The following NXPE2 variants were observed in gnomAD, a reference collection of about 807,000 sequenced individuals.
NXPE2 encodes NXPE family member 2.
In NXPE2, 34 loss-of-function variants were observed where a neutral mutation model predicts 34.4. That is an observed-to-expected ratio of 0.99 (90% confidence interval 0.75 to 1.31). NXPE2 has a LOEUF of 1.31. Ranked by LOEUF, NXPE2 falls within the 40% of genes most tolerant of loss-of-function variation. The pLI, the probability that NXPE2 is intolerant of heterozygous loss-of-function variation, is 0.00. For synonymous variants in NXPE2, 235 were observed against 231.3 expected, an observed-to-expected ratio of 1.02 and a Z score of -0.15; for missense variants, 649 against 672.5, an observed-to-expected ratio of 0.97 and a Z score of 0.39.
At chr11:114,575,448 A>C in the NXPE2 span, among the ~76,000 whole-genome samples, 2 of 152,044 alleles carry the variant, frequency 1.3e-5, no homozygotes, top group African/African-American at 2.4e-5. Flanking sequence ...AACCCTAAAG[A>C]CTTATCCAAA....
chr11:114,601,914 TTA>T, the NXPE2 span, among the ~76,000 whole-genome samples: 7 of 39,786 alleles, frequency 1.8e-4, no homozygotes, highest in Admixed American at 2.0e-3. Context: ...TATTATATAA[TTA>T]TATATAATAT....
At chr11:114,670,656 C>A in the NXPE2 span, among the ~76,000 whole-genome samples, 1 of 151,978 alleles carries the variant, frequency 6.6e-6, no homozygotes, top group Non-Finnish European at 1.5e-5. Context: ...TGTACCACTG[C>A]ACTCTAGCCT....
chr11:114,525,486 G>A, the NXPE2 span, among the ~76,000 whole-genome samples: 1 of 152,124 alleles, frequency 6.6e-6, no homozygotes, highest in Non-Finnish European at 1.5e-5. Context: ...CCGGGTCCCA[G>A]AAGGGATGGG....
At chr11:114,517,344 T>G in the NXPE2 span, among the ~76,000 whole-genome samples, 4 of 152,140 alleles carry the variant, frequency 2.6e-5, no homozygotes, top group Admixed American at 6.5e-5. Flanking sequence ...TACCCAGAAA[T>G]CAGGAGGTGG....
At chr11:114,782,561 A>G in the NXPE2 span, among the ~76,000 whole-genome samples, 5 of 152,246 alleles carry the variant, frequency 3.3e-5, no homozygotes, top group South Asian at 1.0e-3. Flanking sequence ...AGACTCCAGG[A>G]GAGATTTTGT....
the NXPE2 span, among the ~76,000 whole-genome samples, chr11:114,713,965 C>T: frequency 2.6e-5 from 4 of 152,264 alleles, no homozygotes; most frequent in African/African-American, 9.6e-5. Context: ...ACATGCTGCA[C>T]AGATGCCAGG....
the NXPE2 span, among the ~76,000 whole-genome samples, chr11:114,775,286 T>G: frequency 3.3e-5 from 5 of 152,194 alleles, no homozygotes; most frequent in African/African-American, 9.6e-5. Context: ...TGCCTCCCTC[T>G]GCTAGACAGA....
chr11:114,680,280 A>G, intron 2 of NXPE2, among the ~76,000 whole-genome samples: 1 of 152,140 alleles, frequency 6.6e-6, no homozygotes, highest in East Asian at 1.9e-4. Context: ...CTGATCAAAT[A>G]CTTTCACCAC....
the NXPE2 span, among the ~76,000 whole-genome samples, chr11:114,592,470 T>C: frequency 6.6e-6 from 1 of 151,760 alleles, no homozygotes; most frequent in African/African-American, 2.4e-5. Flanking sequence ...AGGTGAAAGA[T>C]CTCTACAATG....
the NXPE2 span, among the ~76,000 whole-genome samples, chr11:114,533,769 G>C: frequency 2.6e-5 from 4 of 152,348 alleles, no homozygotes; most frequent in Non-Finnish European, 5.9e-5. Flanking sequence ...GGCTTGAGTA[G>C]GTAAACAAAG....
At chr11:114,505,670 C>G in the NXPE2 span, among the ~76,000 whole-genome samples, 1 of 152,060 alleles carries the variant, frequency 6.6e-6, no homozygotes, top group South Asian at 2.1e-4. Context: ...TTCAGACAAG[C>G]AAATGCTGAG....
chr11:114,694,164 A>T (rs1196336035), intron 2 of NXPE2, among the ~76,000 whole-genome samples: 2 of 152,156 alleles, frequency 1.3e-5, no homozygotes, highest in African/African-American at 4.8e-5. Context: ...AACTCTCATG[A>T]TTACATTTGA....
the NXPE2 span, among the ~76,000 whole-genome samples, chr11:114,784,354 G>A: frequency 6.6e-6 from 1 of 152,078 alleles, no homozygotes; most frequent in African/African-American, 2.4e-5. Context: ...ATTATCTGGG[G>A]CTGATTTGGC....
chr11:114,762,074 G>A, the NXPE2 span, among the ~76,000 whole-genome samples: 1 of 152,190 alleles, frequency 6.6e-6, no homozygotes, highest in Non-Finnish European at 1.5e-5. Context: ...CCTGCTCAGA[G>A]GGCATGGTAG....
chr11:114,622,139 C>T, the NXPE2 span, among the ~76,000 whole-genome samples: 1 of 152,028 alleles, frequency 6.6e-6, no homozygotes, highest in Non-Finnish European at 1.5e-5. Context: ...TAAATATTGC[C>T]TCATGGGTAG....
At chr11:114,775,886 A>AAC in the NXPE2 span, among the ~76,000 whole-genome samples, 2 of 147,526 alleles carry the variant, frequency 1.4e-5, no homozygotes, top group Admixed American at 7.0e-5. Flanking sequence ...AAACGAAAAA[A>AAC]AAAAACAAAA....
At chr11:114,494,837 C>T in the NXPE2 span, among the ~76,000 whole-genome samples, 2 of 152,098 alleles carry the variant, frequency 1.3e-5, no homozygotes, top group African/African-American at 2.4e-5. Context: ...GTGCACCTGT[C>T]CTTCTTGGGA....
chr11:114,778,066 A>T, the NXPE2 span, among the ~76,000 whole-genome samples: 108 of 152,294 alleles, frequency 7.1e-4, no homozygotes, highest in Admixed American at 1.2e-3. Context: ...GTAGTATTCT[A>T]TGGGAGTATG....
At chr11:114,489,751 A>T in the NXPE2 span, among the ~76,000 whole-genome samples, 1 of 152,234 alleles carries the variant, frequency 6.6e-6, no homozygotes, top group African/African-American at 2.4e-5. Context: ...AGCCAGTGTC[A>T]TACTGAATGG....
Sources: allele counts gnomAD v4.1 joint callset (sites outside exome capture counted in the v4.1 genomes callset), GRCh38; gene constraint gnomAD v4.1.1; transcripts MANE v1.5; gene names NCBI Gene and HGNC (gene_info 2026-07-23, HGNC 2026-07-21).